VPS13C: variants seen among roughly 807,000 people sequenced by gnomAD.
VPS13C encodes the protein vacuolar protein sorting 13 homolog C.
A neutral mutation model predicts 456.8 loss-of-function variants in VPS13C; 358 were observed. That is an observed-to-expected ratio of 0.78 (90% CI 0.72 to 0.86). VPS13C has a LOEUF of 0.86. Ranked by LOEUF, VPS13C falls within the 40% of genes least tolerant of loss-of-function variation. The pLI, the probability that VPS13C is intolerant of heterozygous loss-of-function variation, is 0.00. For missense variants in VPS13C, 4,818 were observed against 4,385.4 expected (o/e 1.10, Z -2.79); for synonymous variants, 1,578 against 1,486.7 (o/e 1.06, Z -1.41).
At chr15:62,005,000 G>C (rs1185880773) in intron 15 of VPS13C, among the ~76,000 whole-genome samples, 4 of 152,014 alleles carry the variant, frequency 2.6e-5, no homozygotes, top group Non-Finnish European at 5.9e-5. Flanking sequence ...ATATTCTGTT[G>C]ATTTGGGGTG....
At chr15:61,911,365 T>C (rs1441735873) in intron 63 of VPS13C, among the ~76,000 whole-genome samples, 4 of 152,240 alleles carry the variant, frequency 2.6e-5, no homozygotes, top group Admixed American at 2.0e-4. Flanking sequence ...TGAAACTCAG[T>C]TTCCTTTTCA....
At chr15:62,033,100 A>C (rs2047872488) in intron 5 of VPS13C, among the ~76,000 whole-genome samples, 1 of 151,716 alleles carries the variant, frequency 6.6e-6, no homozygotes, top group Non-Finnish European at 1.5e-5. Context: ...CAGCAAGAAC[A>C]CGGGTAAACA....
At chr15:61,954,943 A>G (rs533340127) in intron 37 of VPS13C, among the ~76,000 whole-genome samples, 1 of 152,294 alleles carries the variant, frequency 6.6e-6, no homozygotes, top group East Asian at 1.9e-4. Context: ...AGGGAATGAT[A>G]ACACATGATA....
Position 61,867,650 on chromosome 15 carries a change from C to T in VPS13C, c.10863+1009G>A. 3 of 1,199,236 alleles carry T rather than the reference C, an allele frequency of 2.5e-6. No individual in the cohort carries two copies. Among genetic ancestry groups the T allele is most frequent in the Non-Finnish European group, 3.1e-6 (3 of 964,640 alleles). 74.3% of individuals were successfully genotyped at this position (1,199,236 alleles called of 1,614,324 possible). On this transcript the variant is annotated intron_variant, in intron 81 of 84. Coordinates refer to ENST00000644861, the MANE Select transcript of VPS13C (RefSeq NM_020821.3). The surrounding 1 kb of genome is among the most constrained non-coding windows in gnomAD (Gnocchi z 5.0). ...GATAGTAACAGTATCTGCTTCTGAG[C>T]TCAATAAAGGCTTTCATCTATTAAA...
intron 59 of VPS13C, 135 bp from the exon 60 acceptor site, chr15:61,917,770 C>G: frequency 9.8e-7 from 1 of 1,022,516 alleles, no homozygotes; most frequent in Non-Finnish European, 1.4e-6. Context: ...ATGAGGAAAC[C>G]AGGGCTAAAA....
At chr15:62,002,084 G>A (rs1048885035) in intron 15 of VPS13C, among the ~76,000 whole-genome samples, 1 of 152,176 alleles carries the variant, frequency 6.6e-6, no homozygotes. Context: ...GTTCCCTGAG[G>A]AATCCCCACG....
At chr15:62,012,917 T>C (rs1567109329) in intron 11 of VPS13C, 122 bp downstream of exon 11, 3 of 553,318 alleles carry the variant, frequency 5.4e-6, no homozygotes, top group East Asian at 3.2e-5. Flanking sequence ...TTCATATTTC[T>C]GATTTAGTGA....
intron 59 of VPS13C, 84 bp from the exon 60 acceptor site, chr15:61,917,719 A>G (rs2140168787): frequency 2.1e-6 from 3 of 1,395,754 alleles, no homozygotes; most frequent in East Asian, 4.8e-5. Context: ...TGACAACTCT[A>G]CAAGATAGGT....
At chr15:62,010,376 C>CA (rs2046998810) in intron 13 of VPS13C, 96 bp downstream of exon 13, 2 of 1,315,904 alleles carry the variant, frequency 1.5e-6, no homozygotes, top group Non-Finnish European at 9.9e-7. Flanking sequence ...TAACAAACCC[C>CA]AAAAAACCAC....
chr15:61,958,889 A>G (rs1336601507), intron 36 of VPS13C, among the ~76,000 whole-genome samples, 173 bp from the exon 37 acceptor site: 3 of 152,040 alleles, frequency 2.0e-5, no homozygotes, highest in Admixed American at 2.0e-4. Flanking sequence ...TCATGTTAAA[A>G]TTTTTATTTT....
chr15:62,032,972 T>C lies in VPS13C; in HGVS notation c.385+469A>G, dbSNP rs1210792550. 2.6e-5 allele frequency among the ~76,000 whole-genome samples: 4 copies of C among 151,482 alleles called. No individual in the cohort carries two copies. In the East Asian group the frequency reaches 7.7e-4, roughly 29 times the overall value. ...AAATGCTAAAACCTGAAGAATCAAG[T>C]TTTTGGGTTTTTTTTTAATATCCTG... On this transcript the variant is annotated intron_variant, in intron 5 of 84. Coordinates refer to ENST00000644861, the MANE Select transcript of VPS13C (RefSeq NM_020821.3).
chr15:61,881,976 T>C, intron 69 of VPS13C, 148 bp from the exon 70 acceptor site: 1 of 729,846 alleles, frequency 1.4e-6, no homozygotes, highest in Non-Finnish European at 2.2e-6. Context: ...ATTTTAAATC[T>C]GTAAAAGTTA....
At chr15:61,921,812 G>T in intron 55 of VPS13C, 135 bp downstream of exon 55, 1 of 752,908 alleles carries the variant, frequency 1.3e-6, no homozygotes, top group Non-Finnish European at 2.1e-6. Flanking sequence ...TATGAAAAGA[G>T]TTCTGACCTC....
At position 61,992,544 on chromosome 15, in the gene VPS13C, AC is replaced by A. The variant is rs570974009; in HGVS notation, c.1354-743del. Among the ~76,000 whole-genome samples the A allele has an allele frequency of 2.0e-5, 3 of 152,320 alleles. No homozygotes were observed. The East Asian group carries it at 5.8e-4, about 29-fold the overall frequency. On this transcript the variant is annotated intron_variant, in intron 16 of 84. Coordinates refer to ENST00000644861, the MANE Select transcript of VPS13C (RefSeq NM_020821.3). The stretch of plus-strand genomic sequence containing the variant: ...TGTGTGTAATAAAAAGTGGAATAAT[AC>A]AAAAGAGAAGATAAAAGTAAAGAGT...
intron 67 of VPS13C, among the ~76,000 whole-genome samples, chr15:61,888,958 A>C (rs1226267589): frequency 6.6e-6 from 1 of 151,154 alleles, no homozygotes; most frequent in Non-Finnish European, 1.5e-5. Context: ...AGGGGAAACA[A>C]GAGTGCGGGT....
intron 78 of VPS13C, among the ~76,000 whole-genome samples, chr15:61,872,433 T>C (rs774966759): frequency 1.3e-5 from 2 of 152,058 alleles, no homozygotes; most frequent in African/African-American, 2.4e-5. Flanking sequence ...GGGATTACAT[T>C]GTAACTTAGT....
chr15:61,901,401 A>G (rs967716712), intron 66 of VPS13C, among the ~76,000 whole-genome samples: 1 of 152,082 alleles, frequency 6.6e-6, no homozygotes, highest in Non-Finnish European at 1.5e-5. Flanking sequence ...AATGAACTCA[A>G]ACAAATTTAC....
At chr15:62,049,902 TTGTC>T (rs1435455243) in intron 1 of VPS13C, among the ~76,000 whole-genome samples, 10 of 148,754 alleles carry the variant, frequency 6.7e-5, no homozygotes, top group Admixed American at 5.9e-4. Context: ...GGCTCTCTGT[TTGTC>T]TGTTATTGGT....
intron 16 of VPS13C, among the ~76,000 whole-genome samples, chr15:61,995,838 A>G (rs2046365185): frequency 6.6e-6 from 1 of 152,234 alleles, no homozygotes. Context: ...CTCCAGACCC[A>G]GAGAAACTCA....
Sources: allele counts gnomAD v4.1 joint callset (sites outside exome capture counted in the v4.1 genomes callset), GRCh38; gene constraint gnomAD v4.1.1; non-coding constraint Gnocchi (gnomAD v3.1); transcripts MANE v1.5; gene names NCBI Gene and HGNC (gene_info 2026-07-23, HGNC 2026-07-21).